Variants in CUL9 observed in about 807,000 individuals in gnomAD.
CUL9 encodes cullin-9.
Under a neutral mutation model 272.6 loss-of-function variants are expected in CUL9, and 79 were observed. That is an observed-to-expected ratio of 0.29 (90% CI 0.24 to 0.35). The LOEUF (loss-of-function observed/expected upper bound fraction) is 0.35. Ranked by LOEUF, CUL9 falls within the 10% of genes least tolerant of loss-of-function variation. The pLI is 1.00. For missense variants in CUL9, 2,532 were observed against 3,255.6 expected (o/e 0.78, Z 5.41); for synonymous variants, 1,186 against 1,286.5 (o/e 0.92, Z 1.67).
intron 8 of CUL9, 167 bp downstream of exon 8, chr6:43,188,882 C>T (rs2150527749): frequency 3.5e-6 from 2 of 572,992 alleles, no homozygotes; most frequent in Admixed American, 6.9e-5. Context: ...GGCTCGTATT[C>T]TTGGAGCACT....
intron 20 of CUL9, 172 bp from the exon 21 acceptor site, chr6:43,204,188 C>A: frequency 9.6e-7 from 1 of 1,038,190 alleles, no homozygotes; most frequent in Non-Finnish European, 1.4e-6. Context: ...CCCATCCCCA[C>A]CCTGTTAACA....
intron 26 of CUL9, among the ~76,000 whole-genome samples, chr6:43,212,004 C>A (rs1021935050): frequency 3.3e-5 from 5 of 152,196 alleles, no homozygotes; most frequent in African/African-American, 4.8e-5. Flanking sequence ...GTTTCCACCT[C>A]CCATTTTATC....
At chr6:43,193,938 T>C (rs1773756985) in intron 9 of CUL9, among the ~76,000 whole-genome samples, 1 of 152,182 alleles carries the variant, frequency 6.6e-6, no homozygotes, top group African/African-American at 2.4e-5. Context: ...TTTTCCTCTT[T>C]TATCTAAGTG....
chr6:43,200,411 A>T lies in CUL9; in HGVS notation c.3385-25A>T. 1 of 1,613,608 alleles carries T rather than the reference A, an allele frequency of 6.2e-7. No homozygotes were observed. The highest frequency in any genetic ancestry group is 8.5e-7 in the Non-Finnish European group (1 of 1,179,902). ...TGTGTTCCTCCCTCTCCTCTTCCTC[A>T]TTCTCCCTGATGTTCCGGCTGCAGA... On this transcript the variant is annotated intron_variant, in intron 14 of 40. Transcript: ENST00000252050. The surrounding 1 kb of genome is among the most constrained non-coding windows in gnomAD (Gnocchi z 4.0).
chr6:43,203,042 T>A lies in CUL9; in HGVS notation c.3754-67T>A. On this transcript the variant is annotated intron_variant, in intron 17 of 40. Transcript: ENST00000252050. This position sits in a 1 kb window ranked among gnomAD's most constrained non-coding sequence, Gnocchi z 5.0. ...CACACCATGACCGACTTGGTTACTG[T>A]CAACAATTTTTCCAACCTTGTTTCT... 2 of 1,556,930 alleles carry A rather than the reference T, an allele frequency of 1.3e-6. No individual in the cohort carries two copies. Among genetic ancestry groups the A allele is most frequent in the Non-Finnish European group, 1.8e-6 (2 of 1,130,184 alleles).
Position 43,221,241 on chromosome 6 carries a change from G to A in CUL9, c.6672G>A (p.Gln2224=). 1 of 1,611,876 alleles carries A rather than the reference G, an allele frequency of 6.2e-7. No individual in the cohort carries two copies. Among genetic ancestry groups the A allele is most frequent in the Non-Finnish European group, 8.5e-7 (1 of 1,179,972 alleles). The change falls in exon 34 of 41, where the codon CAG becomes CAA. Residue 2224 remains glutamine, a synonymous_variant. Transcript: ENST00000252050. This position sits in a 1 kb window ranked among gnomAD's most constrained non-coding sequence, Gnocchi z 4.2. ...ATGACGGCATGAGCGTGGAGGCGCA[G>A]AGCAAGCACCTGGCCAAGCTCATCT... ...GYYDGMSVEA[Q]SKHLAKLISK... is the part of the protein sequence containing the mutation.
rs202038134 is a variant in CUL9, at chr6:43,213,343, C to T, written c.5358+49C>T. On this transcript the variant is annotated intron_variant, in intron 27 of 40. Coordinates refer to ENST00000252050, the MANE Select transcript of CUL9 (RefSeq NM_015089.4). The surrounding 1 kb of genome is among the most constrained non-coding windows in gnomAD (Gnocchi z 5.7). Reference sequence around the variant, plus strand: ...CTGCCTTCTCTGCTACCTTATCTGTCGCTGTTCTCCTCCTAAACCCTGTTC... The same window carrying T: ...CTGCCTTCTCTGCTACCTTATCTGTTGCTGTTCTCCTCCTAAACCCTGTTC... The T allele has an allele frequency of 1.7e-5, 27 of 1,611,258 alleles. No individual in the cohort carries two copies. The Admixed American group carries it at 3.3e-4, about 20-fold the overall frequency.
Position 43,215,309 on chromosome 6 carries a change from C to T in CUL9, c.5919C>T (p.Ser1973=), listed in dbSNP as rs1289447658. 4.3e-6 allele frequency: 7 copies of T among 1,610,440 alleles called. No individual in the cohort carries two copies. The highest frequency in any genetic ancestry group is 4.5e-5 in the East Asian group (2 of 44,856). The change falls in exon 30 of 41, where the codon AGC becomes AGT. Residue 1973 remains serine (S), a synonymous_variant. Coordinates refer to ENST00000252050, the MANE Select transcript of CUL9 (RefSeq NM_015089.4). The part of the protein sequence containing the change: ...QADVPFCGSQ[S]ETSKPSPEAV... ...ATGTCCCTTTCTGTGGCAGCCAGAG[C>T]GAAACCTCCAAGCCCAGGTAGCCAC...
chr6:43,212,844 T>C, intron 26 of CUL9: 1 of 304,874 alleles, frequency 3.3e-6, no homozygotes, highest in South Asian at 4.8e-5. Context: ...AGTGGGTCTT[T>C]AAAACTGTGA....
At position 43,222,491 on chromosome 6, in the gene CUL9, C is replaced by T. The variant is rs191387879; in HGVS notation, c.6922-40C>T. 1,490 of 1,609,116 alleles carry T rather than the reference C, an allele frequency of 9.3e-4. 15 individuals carry two copies. The African/African-American group carries it at 0.016, about 18-fold the overall frequency. On this transcript the variant is annotated intron_variant, in intron 36 of 40. Transcript: ENST00000252050. ...AGGTCTGACCGGGCAGGTGGTGCTG[C>T]GCCACCTGTGCTGGTACTGATACAC...
intron 26 of CUL9, among the ~76,000 whole-genome samples, chr6:43,207,032 CG>C (rs1562046569): frequency 6.6e-6 from 1 of 152,058 alleles, no homozygotes; most frequent in Non-Finnish European, 1.5e-5. Flanking sequence ...TTAGTAGTGA[CG>C]GGGTTTCACC....
Position 43,220,542 on chromosome 6 carries a change from C to G in CUL9, c.6366C>G (p.Ala2122=). The part of the protein sequence containing the change: ...NCTCPIADCP[A]QPTGAFIRAI... ...CCTGCCCCATTGCCGACTGCCCCGC[C>G]CAGCCCACCGGAGCCTTCATTCGTG... is the stretch of plus-strand genomic sequence containing the variant. Residue 2122 remains alanine, a synonymous_variant, in exon 32 of 41, where the codon GCC becomes GCG. Coordinates refer to ENST00000252050, the MANE Select transcript of CUL9 (RefSeq NM_015089.4). The surrounding 1 kb of genome is among the most constrained non-coding windows in gnomAD (Gnocchi z 4.9). 1 of 1,614,126 alleles carries G rather than the reference C, an allele frequency of 6.2e-7. No individual in the cohort carries two copies. The highest frequency in any genetic ancestry group is 1.7e-5 in the Admixed American group (1 of 60,018).
At chr6:43,191,910 CTTT>C (rs901802484) in intron 8 of CUL9, among the ~76,000 whole-genome samples, 6 of 139,150 alleles carry the variant, frequency 4.3e-5, no homozygotes, top group Admixed American at 1.4e-4. Context: ...ATGGTTCTTC[CTTT>C]TTTTTTTTTT....
rs776028243 is a variant in CUL9 at position 43,204,837 on chromosome 6, C to T, written c.4429C>T (p.Leu1477=). 3 of 1,614,216 alleles carry T rather than the reference C, an allele frequency of 1.9e-6. No individual in the cohort carries two copies. The South Asian group carries it at 3.3e-5, about 18-fold the overall frequency. The change falls in exon 22 of 41, where the codon CTG becomes TTG. Residue 1477 remains leucine, a synonymous_variant. Transcript: ENST00000252050. Reference sequence around the variant, plus strand: ...CCTGAGGAACATAACCCAGTGCTGGCTGAGCGTGGTGCAGGAGCAGGTGGG... The same window carrying T: ...CCTGAGGAACATAACCCAGTGCTGGTTGAGCGTGGTGCAGGAGCAGGTGGG... ...SSLRNITQCW[L]SVVQEQVSRF...
At chr6:43,204,580 AGTG>A in intron 21 of CUL9, 41 bp downstream of exon 21, 1 of 1,611,404 alleles carries the variant, frequency 6.2e-7, no homozygotes, top group South Asian at 1.1e-5. Flanking sequence ...CTCTGCGGAC[AGTG>A]GTGTATCTGG....
chr6:43,188,406 C>A, intron 7 of CUL9, 117 bp from the exon 8 acceptor site: 1 of 1,030,970 alleles, frequency 9.7e-7, no homozygotes, highest in Non-Finnish European at 1.4e-6. Flanking sequence ...ACTCTGCAAG[C>A]TGCAGTAGCC....
intron 1 of CUL9, among the ~76,000 whole-genome samples, chr6:43,183,835 C>T (rs1456555662): frequency 6.6e-6 from 1 of 152,044 alleles, no homozygotes; most frequent in Non-Finnish European, 1.5e-5. Flanking sequence ...TCACTGCAAC[C>T]TCCGCCTCCT....
At chr6:43,214,382 A>ATGTTG (rs1374658198) in intron 29 of CUL9, among the ~76,000 whole-genome samples, 4 of 152,190 alleles carry the variant, frequency 2.6e-5, no homozygotes, top group Admixed American at 2.6e-4. Context: ...CTGCCACTGT[A>ATGTTG]CCCCAGCCTG....
chr6:43,195,211 G>A (rs1773896424), intron 9 of CUL9, among the ~76,000 whole-genome samples: 1 of 152,224 alleles, frequency 6.6e-6, no homozygotes, highest in African/African-American at 2.4e-5. Context: ...AAGAGGCATT[G>A]TCCTGAGAAT....
Sources: gnomAD v4.1 joint callset for allele counts (sites outside exome capture counted in the v4.1 genomes callset) on GRCh38, gnomAD v4.1.1 for gene constraint, Gnocchi (gnomAD v3.1) non-coding constraint, MANE v1.5 for transcripts, NCBI Gene and HGNC (gene_info 2026-07-23, HGNC 2026-07-21) for gene names.